Variants in KAZN observed in about 807,000 individuals in gnomAD.
The protein encoded by KAZN is kazrin, periplakin interacting protein, also known as kazrin.
A neutral mutation model predicts 87.4 loss-of-function variants in KAZN; 40 were observed. The ratio of observed to expected loss-of-function variants is 0.46; its 90% CI spans 0.36 to 0.60. The LOEUF (loss-of-function observed/expected upper bound fraction) is 0.60, where lower values mean the gene tolerates loss of function less well. KAZN is among the 20% of genes least tolerant of loss of function. KAZN has a pLI of 0.00. For synonymous variants in KAZN, 466 were observed against 458.3 expected (o/e 1.02, Z -0.22); for missense variants, 898 against 1,073.9 (o/e 0.84, Z 2.29).
chr1:14,208,020 AT>A (rs1360693509), intron 2 of KAZN, among the ~76,000 whole-genome samples: 5 of 152,180 alleles, frequency 3.3e-5, no homozygotes, highest in Non-Finnish European at 7.4e-5. Context: ...TTCCCCTCTC[AT>A]TTGTTGAAAA....
intron 2 of KAZN, among the ~76,000 whole-genome samples, chr1:14,545,929 G>A (rs1230758210): frequency 6.6e-6 from 1 of 152,164 alleles, no homozygotes; most frequent in East Asian, 1.9e-4. Context: ...AGACAGGGAA[G>A]TATGATCCTA....
intron 1 of KAZN, among the ~76,000 whole-genome samples, chr1:14,845,465 C>G (rs572095375): frequency 7.0e-6 from 1 of 142,920 alleles, no homozygotes; most frequent in Non-Finnish European, 1.5e-5. Flanking sequence ...GGATGGATGA[C>G]TGAGTGGTGG....
At chr1:14,844,080 T>C (rs1206478473) in intron 1 of KAZN, among the ~76,000 whole-genome samples, 1 of 152,188 alleles carries the variant, frequency 6.6e-6, no homozygotes, top group African/African-American at 2.4e-5. Flanking sequence ...CCCAACTTCC[T>C]TTTCCAAATG....
chr1:14,116,157 A>G (rs566015857), intron 1 of KAZN, among the ~76,000 whole-genome samples: 20 of 152,326 alleles, frequency 1.3e-4, no homozygotes, highest in Non-Finnish European at 2.8e-4. Context: ...ATCCAAGCTG[A>G]CTTAAGAAAT....
rs1553205034 is a variant in KAZN at position 14,660,541 on chromosome 1, C to CTCTCT, written c.226+61319_226+61320insCTCTT. The stretch of plus-strand genomic sequence containing the variant: ...TCTCTCCAAGTTTCTCTCTCTCTCT[C>CTCTCT]TTTTTTTTTTTTTTTTTTTTTTTTG... On this transcript the variant is annotated intron_variant, in intron 1 of 14. Coordinates refer to ENST00000376030, the MANE Select transcript of KAZN (RefSeq NM_201628.3). 4.1e-3 allele frequency among the ~76,000 whole-genome samples: 311 copies of CTCTCT among 76,064 alleles called. 5 individuals are homozygous for CTCTCT. The highest frequency in any genetic ancestry group is 0.016 in the African/African-American group (299 of 18,706). The allele number at this position is 76,064 out of a possible 152,430, so 49.9% of individuals were successfully genotyped here.
At chr1:15,095,024 G>A in intron 10 of KAZN, 91 bp downstream of exon 10, 1 of 856,606 alleles carries the variant, frequency 1.2e-6, no homozygotes, top group Non-Finnish European at 1.9e-6. Flanking sequence ...GGCACTGTGG[G>A]CTGAACCAGG....
intron 1 of KAZN, among the ~76,000 whole-genome samples, chr1:14,682,537 C>G (rs1213309564): frequency 6.6e-6 from 1 of 152,064 alleles, no homozygotes; most frequent in African/African-American, 2.4e-5. Context: ...ATGCTCCTGC[C>G]TCAGCCTCCC....
intron 1 of KAZN, among the ~76,000 whole-genome samples, chr1:13,968,881 C>A (rs1263072697): frequency 1.3e-5 from 2 of 152,166 alleles, no homozygotes; most frequent in African/African-American, 4.8e-5. Context: ...GCCGATGACT[C>A]CCAAATCTAC....
At chr1:14,920,375 C>T (rs1389340418) in intron 1 of KAZN, among the ~76,000 whole-genome samples, 1 of 151,002 alleles carries the variant, frequency 6.6e-6, no homozygotes, top group East Asian at 2.0e-4. Context: ...GAGCAGCCTC[C>T]CCACCCCCTG....
chr1:14,912,330 C>G (rs971172970), intron 1 of KAZN, among the ~76,000 whole-genome samples: 3 of 152,060 alleles, frequency 2.0e-5, no homozygotes, highest in Admixed American at 6.6e-5. Context: ...CAGGACATTG[C>G]CTTTCACTAA....
At chr1:14,391,435 C>T (rs773424406) in intron 2 of KAZN, 1 of 152,342 alleles carries the variant, frequency 6.6e-6, no homozygotes, top group Non-Finnish European at 1.5e-5. Flanking sequence ...ATATCTTAAC[C>T]TTAACTCACT....
chr1:13,942,488 C>T (rs887519361), intron 1 of KAZN, among the ~76,000 whole-genome samples: 15 of 138,516 alleles, frequency 1.1e-4, no homozygotes, highest in Admixed American at 3.9e-4. Context: ...TGCAGTGAGC[C>T]GAGATTGCGC....
chr1:14,449,879 A>G (rs1667173655), intron 2 of KAZN, among the ~76,000 whole-genome samples: 1 of 152,158 alleles, frequency 6.6e-6, no homozygotes, highest in Non-Finnish European at 1.5e-5. Context: ...GAGTTTAATG[A>G]GCCCCTTCTG....
rs1486553184 is a variant in KAZN at position 14,514,586 on chromosome 1, T to TA, written c.250-84397_250-84396insA. On this transcript the variant is annotated intron_variant, in intron 2 of 16. Transcript: ENST00000636203. Reference sequence around the variant, plus strand: ...TATTTTCTATATATTTTATATATTTTTTTATATTTTATATATATATATATA... The same window carrying TA: ...TATTTTCTATATATTTTATATATTTTATTTATATTTTATATATATATATATA... Among the ~76,000 whole-genome samples, 39 of 99,340 alleles carry TA rather than the reference T, an allele frequency of 3.9e-4. 3 individuals carry two copies. Among genetic ancestry groups the TA allele is most frequent in the East Asian group, 6.6e-4 (2 of 3,014 alleles). 65.2% of individuals were successfully genotyped at this position (99,340 alleles called of 152,430 possible).
chr1:14,885,185 C>A (rs1653894725), intron 1 of KAZN, among the ~76,000 whole-genome samples: 1 of 152,178 alleles, frequency 6.6e-6, no homozygotes, highest in African/African-American at 2.4e-5. Flanking sequence ...GGGATATAAT[C>A]ACCACTTTCT....
intron 2 of KAZN, among the ~76,000 whole-genome samples, chr1:14,187,976 C>G (rs1198741162): frequency 1.3e-5 from 2 of 152,044 alleles, no homozygotes; most frequent in Admixed American, 6.6e-5. Context: ...GGGGGAAACA[C>G]CGGTGAAGAT....
At chr1:14,583,719 A>G (rs1675687615) in intron 2 of KAZN, among the ~76,000 whole-genome samples, 1 of 152,104 alleles carries the variant, frequency 6.6e-6, no homozygotes, top group Non-Finnish European at 1.5e-5. Context: ...TTGGCAGGTG[A>G]CCCTGAAGAG....
intron 2 of KAZN, among the ~76,000 whole-genome samples, chr1:15,032,528 G>T (rs1345361139): frequency 1.3e-5 from 2 of 151,878 alleles, no homozygotes; most frequent in Non-Finnish European, 2.9e-5. Context: ...CATAATATAT[G>T]GCCTTTAGTG....
At chr1:14,126,906 GACAA>G (rs1644883193) in intron 1 of KAZN, among the ~76,000 whole-genome samples, 1 of 152,192 alleles carries the variant, frequency 6.6e-6, no homozygotes, top group African/African-American at 2.4e-5. Flanking sequence ...AGGAGTTCAA[GACAA>G]GCCTGGCCAA....
Sources: gnomAD v4.1 joint callset for allele counts (sites outside exome capture counted in the v4.1 genomes callset) on GRCh38, gnomAD v4.1.1 for gene constraint, MANE v1.5 for transcripts, NCBI Gene and HGNC (gene_info 2026-07-23, HGNC 2026-07-21) for gene names.